Variants in ATIC observed in about 807,000 individuals in gnomAD.
ATIC encodes the protein 5-aminoimidazole-4-carboxamide ribonucleotide formyltransferase/IMP cyclohydrolase.
Under a neutral mutation model 72.5 loss-of-function variants are expected in ATIC, and 64 were observed. That is an observed-to-expected ratio of 0.88 (90% CI 0.72 to 1.09). ATIC has a LOEUF of 1.09. Among genes scored for constraint, ATIC ranks in the 50% least tolerant of loss-of-function variants. The pLI is 0.00. For synonymous variants in ATIC, 281 were observed against 267.1 expected, an observed-to-expected ratio of 1.05 and a Z score of -0.51; for missense variants, 787 against 732.4, an observed-to-expected ratio of 1.07 and a Z score of -0.86.
At chr2:215,314,322 C>T (rs575364754) in intron 2 of ATIC, among the ~76,000 whole-genome samples, 1 of 152,276 alleles carries the variant, frequency 6.6e-6, no homozygotes, top group African/African-American at 2.4e-5. Context: ...AGGCCACATT[C>T]AGTTGCAGTG....
At chr2:215,323,225 G>A (rs550988627) in intron 4 of ATIC, among the ~76,000 whole-genome samples, 119 of 152,274 alleles carry the variant, frequency 7.8e-4, no homozygotes, top group South Asian at 5.2e-3. Flanking sequence ...GATTACAGGC[G>A]TGAGCCACTG....
intron 1 of ATIC, 164 bp downstream of exon 1, chr2:215,312,325 C>T: frequency 6.7e-7 from 1 of 1,481,630 alleles, no homozygotes; most frequent in Non-Finnish European, 9.2e-7. Context: ...TGGGGCCCGC[C>T]TTAGAGCAGC....
chr2:215,312,098 C>T lies in ATIC; in HGVS notation c.-45C>T, dbSNP rs1005281858. ...GCCCTCCTACCTGCGCACGTGGTGC[C>T]GCCGCTGCTGCCTCCCGCTCGCCCT... is the stretch of plus-strand genomic sequence containing the variant. On this transcript the variant is annotated 5_prime_UTR_variant, in exon 1 of 16. Transcript: ENST00000236959. 59 of 1,492,478 alleles carry T rather than the reference C, an allele frequency of 4.0e-5. No individual in the cohort carries two copies. The highest frequency in any genetic ancestry group is 1.0e-4 in the East Asian group (4 of 40,046). The allele number at this position is 1,492,478 out of a possible 1,614,324, so 92.5% of individuals were successfully genotyped here.
intron 2 of ATIC, among the ~76,000 whole-genome samples, chr2:215,315,119 C>CT (rs2052694963): frequency 6.6e-6 from 1 of 152,150 alleles, no homozygotes; most frequent in Non-Finnish European, 1.5e-5. Flanking sequence ...CTCTAAAATT[C>CT]TTTCTCCACC....
chr2:215,319,620 C>A (rs763139006), intron 3 of ATIC, 45 bp from the exon 4 acceptor site: 9 of 1,358,318 alleles, frequency 6.6e-6, no homozygotes, highest in Non-Finnish European at 9.5e-6. Flanking sequence ...CTTAATCTGA[C>A]TTGTTTTTTG....
At chr2:215,348,535 T>G (rs1294463339) in intron 14 of ATIC, 3 of 303,024 alleles carry the variant, frequency 9.9e-6, no homozygotes, top group Non-Finnish European at 1.9e-5. Context: ...TAAACTGATT[T>G]GGAAAGTAAA....
rs759275995 is a variant in ATIC at position 215,346,993 on chromosome 2, T to A, written c.1503+52T>A. On this transcript the variant is annotated intron_variant, in intron 14 of 15. Coordinates refer to ENST00000236959, the MANE Select transcript of ATIC (RefSeq NM_004044.7). Reference sequence around the variant, plus strand: ...GCTGTGTTAATATTCAGTTCAACCCTTTATGTGTAACAGATTTTAACTTCA... The same window carrying A: ...GCTGTGTTAATATTCAGTTCAACCCATTATGTGTAACAGATTTTAACTTCA... 1.9e-6 allele frequency: 3 copies of A among 1,578,836 alleles called. No homozygotes were observed. In the African/African-American group the frequency reaches 4.0e-5, roughly 21 times the overall value.
chr2:215,322,763 GT>G (rs2052782701), intron 4 of ATIC, among the ~76,000 whole-genome samples: 1 of 152,128 alleles, frequency 6.6e-6, no homozygotes. Flanking sequence ...CTGTCTAGTT[GT>G]CTCAGCATCA....
intron 11 of ATIC, among the ~76,000 whole-genome samples, chr2:215,337,205 T>C (rs1027260455): frequency 1.3e-5 from 2 of 152,142 alleles, no homozygotes; most frequent in African/African-American, 4.8e-5. Context: ...AAATTCCTAA[T>C]GCTACTTTTC....
intron 14 of ATIC, 160 bp downstream of exon 14, chr2:215,347,101 T>C (rs1400287996): frequency 2.1e-6 from 2 of 963,008 alleles, no homozygotes; most frequent in Non-Finnish European, 3.1e-6. Flanking sequence ...ACATTTCTCA[T>C]GTTCTTCTGT....
At chr2:215,334,556 A>G (rs1208240312) in intron 9 of ATIC, among the ~76,000 whole-genome samples, 1 of 152,094 alleles carries the variant, frequency 6.6e-6, no homozygotes, top group East Asian at 1.9e-4. Context: ...GAATTTAATA[A>G]CCCATGAATA....
intron 2 of ATIC, among the ~76,000 whole-genome samples, chr2:215,314,351 G>A (rs1326655915): frequency 6.6e-6 from 1 of 152,198 alleles, no homozygotes; most frequent in Non-Finnish European, 1.5e-5. Context: ...TTCAGTTGCA[G>A]TGGTATTTTA....
At chr2:215,352,770 C>T (rs964811581), downstream of ATIC, among the ~76,000 whole-genome samples, 7 of 37,938 alleles carry the variant, frequency 1.8e-4, no homozygotes, top group Non-Finnish European at 6.5e-4. Context: ...AAGCCTGGTA[C>T]ATCATTGCAT....
chr2:215,357,373 C>T, the ATIC span, among the ~76,000 whole-genome samples: 7 of 152,302 alleles, frequency 4.6e-5, no homozygotes, highest in Admixed American at 3.3e-4. Context: ...CTGGCTGCCT[C>T]GTACAGCTTC....
At chr2:215,322,938 G>GTTTGT (rs748658435) in intron 4 of ATIC, among the ~76,000 whole-genome samples, 6 of 151,806 alleles carry the variant, frequency 4.0e-5, no homozygotes, top group Non-Finnish European at 7.4e-5. Flanking sequence ...TTGTTTGTTT[G>GTTTGT]TTTGTTTTGT....
downstream of ATIC, among the ~76,000 whole-genome samples, chr2:215,351,099 A>G (rs1382546839): frequency 6.6e-6 from 1 of 152,130 alleles, no homozygotes; most frequent in Non-Finnish European, 1.5e-5. Context: ...AGTTTCTTGG[A>G]TTACTTCCTC....
intron 2 of ATIC, among the ~76,000 whole-genome samples, chr2:215,313,669 A>G (rs2052679328): frequency 6.6e-6 from 1 of 152,312 alleles, no homozygotes; most frequent in African/African-American, 2.4e-5. Flanking sequence ...ATCCATGTAG[A>G]GGTAGGTTAT....
At chr2:215,324,210 CTGAGT>C (rs1282976007) in intron 4 of ATIC, among the ~76,000 whole-genome samples, 1 of 152,190 alleles carries the variant, frequency 6.6e-6, no homozygotes, top group African/African-American at 2.4e-5. Flanking sequence ...TGTCTTGTTT[CTGAGT>C]TGAGTAGACA....
chr2:215,334,992 T>C lies in ATIC; in HGVS notation c.996T>C (p.Ile332=), dbSNP rs200745588. Residue 332 remains isoleucine, a synonymous_variant, in exon 10 of 16, where the codon ATT becomes ATC. Transcript: ENST00000236959. ...SDVCDVPTAK[I]ISREVSDGII... ...TTTGTGATGTACCAACTGCAAAAATTATTTCCAGAGAAGTTAGTGGACATT... is the reference window on the plus strand; with the variant it reads ...TTTGTGATGTACCAACTGCAAAAATCATTTCCAGAGAAGTTAGTGGACATT... The C allele has an allele frequency of 3.1e-5, 50 of 1,612,792 alleles. No individual in the cohort carries two copies. Among genetic ancestry groups the C allele is most frequent in the Non-Finnish European group, 4.0e-5 (47 of 1,179,124 alleles).
Sources: gnomAD v4.1 joint callset for allele counts (sites outside exome capture counted in the v4.1 genomes callset) on GRCh38, gnomAD v4.1.1 for gene constraint, MANE v1.5 for transcripts, NCBI Gene and HGNC (gene_info 2026-07-23, HGNC 2026-07-21) for gene names.